EYS: variants seen among roughly 807,000 people sequenced by gnomAD.
EYS encodes EGF-like photoreceptor maintenance factor, also known as protein eyes shut homolog.
EYS carries 250 observed loss-of-function variants against 282.1 expected under a neutral mutation model. The ratio of observed to expected loss-of-function variants is 0.89; its 90% confidence interval spans 0.80 to 0.98. The LOEUF (loss-of-function observed/expected upper bound fraction) is 0.98. Ranked by LOEUF, EYS falls within the 50% of genes least tolerant of loss-of-function variation. EYS has a pLI of 0.00. For missense variants in EYS, 4,016 were observed against 3,709.0 expected (o/e 1.08, Z -2.15); for synonymous variants, 1,355 against 1,282.9 (o/e 1.06, Z -1.20).
At chr6:64,964,206 G>A (rs1319828799) in intron 14 of EYS, among the ~76,000 whole-genome samples, 1 of 151,672 alleles carries the variant, frequency 6.6e-6, no homozygotes, top group Non-Finnish European at 1.5e-5. Flanking sequence ...TTTAATATAG[G>A]GCTCTCGATA....
At chr6:64,742,982 A>G (rs1383150160) in intron 22 of EYS, among the ~76,000 whole-genome samples, 1 of 152,126 alleles carries the variant, frequency 6.6e-6, no homozygotes, top group Non-Finnish European at 1.5e-5. Context: ...ACTTAAGATT[A>G]AAGGATTTAG....
At chr6:65,209,572 T>G (rs1365509602) in intron 12 of EYS, among the ~76,000 whole-genome samples, 1 of 151,968 alleles carries the variant, frequency 6.6e-6, no homozygotes, top group Non-Finnish European at 1.5e-5. Context: ...TTATTTAATA[T>G]GTATTATGTG....
intron 12 of EYS, among the ~76,000 whole-genome samples, chr6:65,133,372 A>C (rs780683681): frequency 6.6e-6 from 1 of 152,078 alleles, no homozygotes; most frequent in Non-Finnish European, 1.5e-5. Flanking sequence ...CCAGTTTCAA[A>C]CTATACTACA....
At chr6:64,836,218 G>C (rs1765377637) in intron 19 of EYS, among the ~76,000 whole-genome samples, 1 of 150,334 alleles carries the variant, frequency 6.7e-6, no homozygotes, top group Admixed American at 6.7e-5. Flanking sequence ...ATGGTCTTCA[G>C]TCATATCATT....
chr6:65,168,823 C>A (rs1231253610), intron 12 of EYS, among the ~76,000 whole-genome samples: 1 of 151,234 alleles, frequency 6.6e-6, no homozygotes, highest in Non-Finnish European at 1.5e-5. Context: ...GAAAATATCC[C>A]CTCTCTTCCT....
chr6:65,156,353 G>T (rs1015219763), intron 12 of EYS, among the ~76,000 whole-genome samples: 7 of 150,974 alleles, frequency 4.6e-5, no homozygotes, highest in Non-Finnish European at 7.4e-5. Flanking sequence ...CCGTATTCTT[G>T]TAGTCTTAGA....
intron 31 of EYS, 86 bp downstream of exon 31, chr6:64,230,506 C>G (rs1365982045): frequency 3.4e-6 from 3 of 884,724 alleles, no homozygotes; most frequent in Non-Finnish European, 5.2e-6. Context: ...GTACCCATCA[C>G]TAAGTTTACA....
At chr6:65,638,973 C>A (rs983942481) in intron 2 of EYS, among the ~76,000 whole-genome samples, 2 of 152,176 alleles carry the variant, frequency 1.3e-5, no homozygotes, top group African/African-American at 4.8e-5. Context: ...TCACACAATA[C>A]CCTCTTAATT....
intron 5 of EYS, among the ~76,000 whole-genome samples, chr6:65,417,135 G>A (rs1767270294): frequency 6.6e-6 from 1 of 151,760 alleles, no homozygotes; most frequent in Non-Finnish European, 1.5e-5. Flanking sequence ...TAAAGCTGTA[G>A]TAGTATTCAT....
chr6:64,690,297 AGAATGGT>A (rs1770331439), intron 22 of EYS, among the ~76,000 whole-genome samples: 1 of 152,184 alleles, frequency 6.6e-6, no homozygotes, highest in South Asian at 2.1e-4. Context: ...CACACCAGTT[AGAATGGT>A]GATCATTAAA....
intron 1 of EYS, among the ~76,000 whole-genome samples, chr6:65,669,463 T>A (rs193263539): frequency 2.4e-3 from 361 of 152,102 alleles, no homozygotes; most frequent in African/African-American, 8.3e-3. Flanking sequence ...TCCAGAAATA[T>A]TAGGTATAGC....
intron 30 of EYS, among the ~76,000 whole-genome samples, chr6:64,231,875 C>A (rs1035807935): frequency 6.6e-6 from 1 of 151,992 alleles, no homozygotes; most frequent in African/African-American, 2.4e-5. Flanking sequence ...AGATAATTAT[C>A]TTTTTAATGT....
chr6:64,857,796 A>G (rs1241177720), intron 19 of EYS, among the ~76,000 whole-genome samples: 1 of 152,120 alleles, frequency 6.6e-6, no homozygotes, highest in Non-Finnish European at 1.5e-5. Flanking sequence ...GTTTTAAATA[A>G]AAGCCATTCT....
intron 12 of EYS, among the ~76,000 whole-genome samples, chr6:65,182,413 T>G (rs1443493619): frequency 1.3e-5 from 2 of 151,588 alleles, no homozygotes; most frequent in African/African-American, 4.8e-5. Flanking sequence ...GTGCCCATTT[T>G]TAGTAAATAT....
chr6:63,733,439 C>G (rs913183335), intron 41 of EYS, among the ~76,000 whole-genome samples: 1 of 152,088 alleles, frequency 6.6e-6, no homozygotes, highest in African/African-American at 2.4e-5. Context: ...GTGCCCCTCC[C>G]TCCCTACCCC....
chr6:64,091,889 A>G (rs970347168), intron 31 of EYS, among the ~76,000 whole-genome samples: 1 of 151,892 alleles, frequency 6.6e-6, no homozygotes, highest in Admixed American at 6.6e-5. Flanking sequence ...TCCTAATGCT[A>G]TCTCTCCCCA....
chr6:64,477,551 C>G (rs4142182), intron 26 of EYS, among the ~76,000 whole-genome samples: 38,675 of 151,750 alleles, frequency 0.25, 5,431 homozygotes, highest in East Asian at 0.36. Context: ...CCACATGGCC[C>G]GTTGCTGATC....
At chr6:64,847,542 T>C (rs923927922) in intron 19 of EYS, among the ~76,000 whole-genome samples, 12 of 152,174 alleles carry the variant, frequency 7.9e-5, no homozygotes, top group African/African-American at 2.9e-4. Context: ...TCTTACATGC[T>C]ATATCCAATT....
At chr6:65,358,665 A>G (rs1038659229) in intron 8 of EYS, among the ~76,000 whole-genome samples, 1 of 149,330 alleles carries the variant, frequency 6.7e-6, no homozygotes, top group African/African-American at 2.5e-5. Context: ...TTTAGTTACC[A>G]TAGAAAAACC....
Sources: gnomAD v4.1 joint callset for allele counts (sites outside exome capture counted in the v4.1 genomes callset) on GRCh38, gnomAD v4.1.1 for gene constraint, MANE v1.5 for transcripts, NCBI Gene and HGNC (gene_info 2026-07-23, HGNC 2026-07-21) for gene names.